Variants in CRB1 observed in about 807,000 individuals in gnomAD.
CRB1 encodes the protein crumbs cell polarity complex component 1.
CRB1 carries 83 observed loss-of-function variants against 120.0 expected under a neutral mutation model. The ratio of observed to expected loss-of-function variants is 0.69; its 90% CI spans 0.58 to 0.83. The LOEUF (loss-of-function observed/expected upper bound fraction) is 0.83. CRB1 is among the 40% of genes least tolerant of loss of function. CRB1 has a pLI of 0.00. For missense variants in CRB1, 1,699 were observed against 1,687.6 expected, an observed-to-expected ratio of 1.01 and a Z score of -0.12; for synonymous variants, 625 against 612.5, an observed-to-expected ratio of 1.02 and a Z score of -0.30.
chr1:197,280,929 A>G (rs1023796671), intron 1 of CRB1, among the ~76,000 whole-genome samples: 34 of 151,904 alleles, frequency 2.2e-4, no homozygotes, highest in Non-Finnish European at 4.3e-4. Flanking sequence ...CGGATTAAAA[A>G]ATTTAATATG....
At chr1:197,314,550 G>A (rs1312986154) in intron 1 of CRB1, among the ~76,000 whole-genome samples, 2 of 151,986 alleles carry the variant, frequency 1.3e-5, no homozygotes, top group African/African-American at 4.8e-5. Flanking sequence ...TTGTATATTG[G>A]ACATTCAGAC....
At position 197,328,793 on chromosome 1, in the gene CRB1, G is replaced by T. The variant is rs777477347; in HGVS notation, c.442G>T (p.Asp148Tyr). Residue 148 changes from aspartate (D) to tyrosine (Y), a missense_variant, in exon 2 of 12, where the codon GAT (aspartate) becomes TAT (tyrosine). Asp to Tyr is a radical substitution (Grantham distance 160). Coordinates refer to ENST00000367400, the MANE Select transcript of CRB1 (RefSeq NM_201253.3). ...ATATGCTGGAAGATTCTGTGAGATA[G>T]ATCACGATGAGTGTGCTTCCAGCCC... ...AGYAGRFCEI[D>Y]HDECASSPCQ... 1 of 1,613,792 alleles carries T rather than the reference G, an allele frequency of 6.2e-7. No individual in the cohort carries two copies. Among genetic ancestry groups the T allele is most frequent in the East Asian group, 2.2e-5 (1 of 44,874 alleles).
chr1:197,252,779 C>T, the CRB1 span, among the ~76,000 whole-genome samples: 1 of 150,940 alleles, frequency 6.6e-6, no homozygotes, highest in Non-Finnish European at 1.5e-5. Flanking sequence ...AGCTCAAGTC[C>T]GAAGGCCAGA....
chr1:197,288,244 T>C (rs976078096), intron 1 of CRB1, among the ~76,000 whole-genome samples: 1 of 151,842 alleles, frequency 6.6e-6, no homozygotes, highest in East Asian at 2.0e-4. Context: ...TGATTAGAGA[T>C]AATAATGCCC....
chr1:197,285,233 G>T (rs577943222), intron 1 of CRB1, among the ~76,000 whole-genome samples: 1 of 151,816 alleles, frequency 6.6e-6, no homozygotes, highest in South Asian at 2.1e-4. Context: ...CTTATAAGAG[G>T]GTTATGCAAG....
intron 1 of CRB1, among the ~76,000 whole-genome samples, chr1:197,291,360 A>G (rs1195008313): frequency 1.3e-5 from 2 of 151,838 alleles, no homozygotes; most frequent in African/African-American, 4.8e-5. Context: ...ATTTTATTTT[A>G]GCTTTTAATT....
intron 5 of CRB1, among the ~76,000 whole-genome samples, chr1:197,411,637 C>T (rs927833039): frequency 1.3e-4 from 20 of 152,106 alleles, no homozygotes; most frequent in Admixed American, 1.3e-3. Context: ...ATTCCTCATT[C>T]ATTTTTCTCC....
intron 1 of CRB1, among the ~76,000 whole-genome samples, chr1:197,270,899 C>G (rs1296847064): frequency 2.0e-5 from 3 of 152,084 alleles, no homozygotes; most frequent in Non-Finnish European, 4.4e-5. Flanking sequence ...AACATAATAG[C>G]AAACAAAGAA....
At chr1:197,355,137 A>C (rs1660393875) in intron 4 of CRB1, among the ~76,000 whole-genome samples, 2 of 151,980 alleles carry the variant, frequency 1.3e-5, no homozygotes, top group African/African-American at 4.8e-5. Flanking sequence ...TAAGCTAGAC[A>C]CAGAGTGCTG....
chr1:197,259,477 A>G, the CRB1 span, among the ~76,000 whole-genome samples: 2 of 152,174 alleles, frequency 1.3e-5, no homozygotes, highest in African/African-American at 4.8e-5. Flanking sequence ...GAGTTGAACA[A>G]TGAGAACACA....
At chr1:197,229,644 T>C in the CRB1 span, among the ~76,000 whole-genome samples, 2 of 152,130 alleles carry the variant, frequency 1.3e-5, no homozygotes, top group African/African-American at 4.8e-5. Context: ...GTGTCTGTTG[T>C]TCTCATCCCA....
intron 5 of CRB1, chr1:197,363,813 G>T (rs538682387): frequency 2.2e-5 from 17 of 781,938 alleles, no homozygotes; most frequent in Non-Finnish European, 3.7e-5. Context: ...TTAAACCCAA[G>T]TTCATGGCAA....
At chr1:197,274,416 G>T (rs1363532480) in intron 1 of CRB1, among the ~76,000 whole-genome samples, 1 of 152,122 alleles carries the variant, frequency 6.6e-6, no homozygotes, top group Non-Finnish European at 1.5e-5. Context: ...CAGTTAGATT[G>T]TTGTGTCAAA....
intron 1 of CRB1, among the ~76,000 whole-genome samples, chr1:197,326,020 T>C (rs1214575794): frequency 6.6e-6 from 1 of 152,084 alleles, no homozygotes; most frequent in Non-Finnish European, 1.5e-5. Context: ...AAAGACTGAG[T>C]ATACTGATGA....
the CRB1 span, among the ~76,000 whole-genome samples, chr1:197,254,036 G>T: frequency 6.6e-6 from 1 of 152,024 alleles, no homozygotes; most frequent in Non-Finnish European, 1.5e-5. Flanking sequence ...TCCAAACTCT[G>T]GGCCTTCATT....
chr1:197,401,081 T>C (rs551290354), intron 5 of CRB1, among the ~76,000 whole-genome samples: 1 of 152,258 alleles, frequency 6.6e-6, no homozygotes, highest in African/African-American at 2.4e-5. Flanking sequence ...CTTTTTGTAA[T>C]ACAATTTTTG....
rs539963377 is a variant in CRB1, at chr1:197,416,560, T to C, written c.1172-4440T>C. ...TTCTATAAATTGAGAAAATGGTCAA[T>C]TGAAATTTCATCTAAGGGGTCAAGA... On this transcript the variant is annotated intron_variant, in intron 5 of 11. Transcript: ENST00000367400. Among the ~76,000 whole-genome samples the C allele has an allele frequency of 2.0e-4, 31 of 152,244 alleles. 1 individual carries two copies. The South Asian group carries it at 6.2e-3, about 31-fold the overall frequency.
intron 2 of CRB1, among the ~76,000 whole-genome samples, chr1:197,332,035 G>A (rs1658887137): frequency 1.3e-5 from 2 of 152,108 alleles, no homozygotes; most frequent in African/African-American, 4.8e-5. Flanking sequence ...CAGCTACTGG[G>A]AGGCTGAGGC....
intron 1 of CRB1, among the ~76,000 whole-genome samples, chr1:197,311,799 A>G (rs928496008): frequency 4.0e-5 from 6 of 151,428 alleles, no homozygotes; most frequent in African/African-American, 1.5e-4. Flanking sequence ...ATAATACACT[A>G]TTAATATTAT....
Sources: gnomAD v4.1 joint callset for allele counts (sites outside exome capture counted in the v4.1 genomes callset) on GRCh38, gnomAD v4.1.1 for gene constraint, MANE v1.5 for transcripts, NCBI Gene and HGNC (gene_info 2026-07-23, HGNC 2026-07-21) for gene names.